The following ABTB3 variants were observed in gnomAD, a reference collection of about 807,000 sequenced individuals.
ABTB3 encodes the protein ankyrin repeat and BTB domain containing 3.
At chr12:107,647,558 A>G in the ABTB3 span, among the ~76,000 whole-genome samples, 1 of 152,238 alleles carries the variant, frequency 6.6e-6, no homozygotes, top group Admixed American at 6.5e-5. Flanking sequence ...TATTTTTAAA[A>G]TAACTTAAAC....
chr12:107,399,012 ACCCTAGAAAAAT>A, the ABTB3 span, among the ~76,000 whole-genome samples: 1 of 152,226 alleles, frequency 6.6e-6, no homozygotes, highest in East Asian at 1.9e-4. Flanking sequence ...AGTGAAAATT[ACCCTAGAAAAAT>A]CCCTCACATT....
the ABTB3 span, among the ~76,000 whole-genome samples, chr12:107,346,792 C>A: frequency 1.3e-5 from 2 of 152,150 alleles, no homozygotes; most frequent in South Asian, 4.1e-4. Flanking sequence ...ATAAAAAGTA[C>A]AATTTTTACT....
chr12:107,519,537 C>G, the ABTB3 span, among the ~76,000 whole-genome samples: 2 of 152,080 alleles, frequency 1.3e-5, no homozygotes, highest in African/African-American at 4.8e-5. Context: ...AGGCTGGTCT[C>G]GAACTCCTGA....
At chr12:107,574,960 A>G in the ABTB3 span, among the ~76,000 whole-genome samples, 1 of 152,136 alleles carries the variant, frequency 6.6e-6, no homozygotes, top group Non-Finnish European at 1.5e-5. Context: ...AGCTGTGGCC[A>G]CCTCTTACCT....
At chr12:107,336,387 C>T in the ABTB3 span, among the ~76,000 whole-genome samples, 6 of 152,222 alleles carry the variant, frequency 3.9e-5, no homozygotes, top group Non-Finnish European at 5.9e-5. Flanking sequence ...GAAGTTACAT[C>T]AAGGATCTGA....
the ABTB3 span, among the ~76,000 whole-genome samples, chr12:107,574,334 T>C: frequency 1.3e-5 from 2 of 152,222 alleles, no homozygotes; most frequent in Admixed American, 1.3e-4. Flanking sequence ...CCTTCCCTGG[T>C]TTCTGACTTG....
the ABTB3 span, among the ~76,000 whole-genome samples, chr12:107,582,927 A>C: frequency 2.0e-4 from 31 of 152,322 alleles, no homozygotes; most frequent in African/African-American, 7.2e-4. Flanking sequence ...AGGGAAGGTT[A>C]GATGTTTTCT....
At chr12:107,640,732 C>G in the ABTB3 span, among the ~76,000 whole-genome samples, 18 of 152,342 alleles carry the variant, frequency 1.2e-4, no homozygotes, top group East Asian at 3.5e-3. Flanking sequence ...CAGCCACTCT[C>G]CAAATGTCAG....
the ABTB3 span, among the ~76,000 whole-genome samples, chr12:107,594,229 A>G: frequency 6.6e-6 from 1 of 152,174 alleles, no homozygotes; most frequent in African/African-American, 2.4e-5. Context: ...ACATTCAGAC[A>G]TGTGCACCGT....
At chr12:107,479,175 C>CA in the ABTB3 span, among the ~76,000 whole-genome samples, 1 of 152,108 alleles carries the variant, frequency 6.6e-6, no homozygotes, top group South Asian at 2.1e-4. Flanking sequence ...AGGCAGAGCT[C>CA]AGACTAAACA....
the ABTB3 span, among the ~76,000 whole-genome samples, chr12:107,449,385 C>A: frequency 6.6e-6 from 1 of 152,190 alleles, no homozygotes; most frequent in Non-Finnish European, 1.5e-5. Context: ...GGACAAGTAA[C>A]CAATGGATGT....
the ABTB3 span, chr12:107,544,287 G>A: frequency 7.2e-6 from 6 of 837,794 alleles, no homozygotes; most frequent in Non-Finnish European, 1.1e-5. Flanking sequence ...TGCACCCTGA[G>A]GGGATATCTT....
the ABTB3 span, among the ~76,000 whole-genome samples, chr12:107,495,631 C>T: frequency 6.6e-6 from 1 of 152,254 alleles, no homozygotes; most frequent in Non-Finnish European, 1.5e-5. Flanking sequence ...CTCTCAGGGC[C>T]TGCCCTCCAT....
chr12:107,628,062 C>T, the ABTB3 span, among the ~76,000 whole-genome samples: 7 of 152,158 alleles, frequency 4.6e-5, no homozygotes, highest in African/African-American at 1.7e-4. Flanking sequence ...CCTGCCTCCA[C>T]CTTTCCAGGT....
At chr12:107,575,793 C>T in the ABTB3 span, among the ~76,000 whole-genome samples, 5 of 152,184 alleles carry the variant, frequency 3.3e-5, no homozygotes, top group Admixed American at 6.5e-5. Context: ...CTTAATCACA[C>T]GTGCAAGGTC....
chr12:107,632,305 T>C, the ABTB3 span, among the ~76,000 whole-genome samples: 127,132 of 152,230 alleles, frequency 0.84, 53,736 homozygotes, highest in African/African-American at 0.96. Flanking sequence ...GTCCAGGAAA[T>C]GGGTTCTTAT....
At chr12:107,502,914 A>T in the ABTB3 span, among the ~76,000 whole-genome samples, 1 of 152,246 alleles carries the variant, frequency 6.6e-6, no homozygotes, top group Non-Finnish European at 1.5e-5. Flanking sequence ...GTTGCTAAAA[A>T]GGCTGGGGAC....
chr12:107,372,677 C>G, the ABTB3 span, among the ~76,000 whole-genome samples: 1 of 152,220 alleles, frequency 6.6e-6, no homozygotes, highest in East Asian at 1.9e-4. Context: ...TCTATCACAC[C>G]TGGCAGCCAC....
chr12:107,351,046 AC>A, the ABTB3 span, among the ~76,000 whole-genome samples: 1 of 152,162 alleles, frequency 6.6e-6, no homozygotes, highest in Admixed American at 6.5e-5. Context: ...GGAAAAAAAA[AC>A]CAAGCCTGGG....
Sources: allele counts gnomAD v4.1 joint callset (sites outside exome capture counted in the v4.1 genomes callset), GRCh38; gene constraint gnomAD v4.1.1; transcripts MANE v1.5; gene names NCBI Gene and HGNC (gene_info 2026-07-23, HGNC 2026-07-21).